RPS6KC1: variants seen among roughly 807,000 people sequenced by gnomAD.
RPS6KC1 encodes the protein ribosomal protein S6 kinase C1, also known as inactive ribosomal protein S6 kinase delta-1.
In RPS6KC1, 54 loss-of-function variants were observed where a neutral mutation model predicts 103.8. The observed-to-expected ratio is 0.52, with a 90% CI of 0.42 to 0.65. RPS6KC1 has a LOEUF of 0.65. RPS6KC1 is among the 30% of genes least tolerant of loss of function. The pLI, the probability that RPS6KC1 is intolerant of heterozygous loss-of-function variation, is 0.00. For missense variants in RPS6KC1, 1,151 were observed against 1,253.8 expected, an observed-to-expected ratio of 0.92 and a Z score of 1.24; for synonymous variants, 439 against 438.7, an observed-to-expected ratio of 1.00 and a Z score of -0.01.
the RPS6KC1 span, among the ~76,000 whole-genome samples, chr1:213,796,799 C>A: frequency 1.8e-4 from 27 of 152,078 alleles, no homozygotes; most frequent in Non-Finnish European, 2.1e-4. Context: ...AAAGTTTAAC[C>A]CGATTTCTTT....
the RPS6KC1 span, among the ~76,000 whole-genome samples, chr1:213,339,356 G>T: frequency 6.6e-6 from 1 of 152,334 alleles, no homozygotes; most frequent in South Asian, 2.1e-4. Flanking sequence ...CACAGCTGTG[G>T]CCCCAGACAT....
At chr1:213,439,336 T>G in the RPS6KC1 span, among the ~76,000 whole-genome samples, 1 of 151,758 alleles carries the variant, frequency 6.6e-6, no homozygotes, top group South Asian at 2.1e-4. Context: ...TTATAATTCT[T>G]CTTGGCAGAC....
intron 4 of RPS6KC1, among the ~76,000 whole-genome samples, chr1:213,104,802 G>A (rs1262095360): frequency 6.7e-6 from 1 of 150,000 alleles, no homozygotes; most frequent in Non-Finnish European, 1.5e-5. Context: ...TTGTTCAGTG[G>A]CCATTGACAG....
chr1:213,274,150 A>C lies in RPS6KC1; in HGVS notation c.*1516A>C, dbSNP rs991504912. The C allele has an allele frequency of 5.9e-5, 9 of 152,156 alleles. No homozygotes were observed. Among genetic ancestry groups the C allele is most frequent in the African/African-American group, 9.7e-5 (4 of 41,426 alleles). The allele number at this position is 152,156 out of a possible 1,614,324, so 9.4% of individuals were successfully genotyped here. On this transcript the variant is annotated 3_prime_UTR_variant, in exon 15 of 15. Coordinates refer to ENST00000366960, the MANE Select transcript of RPS6KC1 (RefSeq NM_012424.6). The stretch of plus-strand genomic sequence containing the variant: ...AAACCCCAGCTGAAAGGCTGCAACA[A>C]CACCAGGTTGGGGAGCAGGTCACCA...
chr1:213,770,581 C>T, the RPS6KC1 span, among the ~76,000 whole-genome samples: 1 of 152,124 alleles, frequency 6.6e-6, no homozygotes, highest in East Asian at 1.9e-4. Flanking sequence ...CATTCATTCT[C>T]GTAACAACCC....
chr1:213,802,255 A>G, the RPS6KC1 span, among the ~76,000 whole-genome samples: 5 of 152,370 alleles, frequency 3.3e-5, no homozygotes, highest in East Asian at 9.6e-4. Flanking sequence ...AACACACTCA[A>G]CTGCATTCAG....
the RPS6KC1 span, among the ~76,000 whole-genome samples, chr1:213,606,366 T>G: frequency 2.0e-5 from 3 of 152,252 alleles, no homozygotes; most frequent in Non-Finnish European, 4.4e-5. Flanking sequence ...CTGCCAACTG[T>G]TCGGTGCCCA....
At chr1:213,759,848 C>A in the RPS6KC1 span, among the ~76,000 whole-genome samples, 1 of 152,338 alleles carries the variant, frequency 6.6e-6, no homozygotes, top group East Asian at 1.9e-4. Flanking sequence ...CTCCCATGTC[C>A]TCTAGCAAGC....
At chr1:213,384,688 C>G in the RPS6KC1 span, among the ~76,000 whole-genome samples, 1 of 152,156 alleles carries the variant, frequency 6.6e-6, no homozygotes, top group South Asian at 2.1e-4. Context: ...AGGAGGCCAC[C>G]CCATCTCCAT....
intron 5 of RPS6KC1, among the ~76,000 whole-genome samples, chr1:213,122,797 T>A (rs2084543216): frequency 6.6e-6 from 1 of 152,148 alleles, no homozygotes; most frequent in South Asian, 2.1e-4. Flanking sequence ...CAACTTATTT[T>A]TATTCCCTGC....
the RPS6KC1 span, among the ~76,000 whole-genome samples, chr1:213,742,004 T>C: frequency 6.6e-6 from 1 of 151,924 alleles, no homozygotes; most frequent in Admixed American, 6.6e-5. Flanking sequence ...GCTATCAAAA[T>C]CCCTAGAGGA....
the RPS6KC1 span, among the ~76,000 whole-genome samples, chr1:213,750,925 CA>C: frequency 2.6e-5 from 4 of 152,138 alleles, no homozygotes; most frequent in East Asian, 7.7e-4. Flanking sequence ...ACTGATAAGT[CA>C]GAAGAAGAAT....
intron 6 of RPS6KC1, among the ~76,000 whole-genome samples, chr1:213,147,718 C>G (rs1227282656): frequency 2.0e-5 from 3 of 152,146 alleles, no homozygotes; most frequent in Non-Finnish European, 4.4e-5. Flanking sequence ...TGTTGTTTTT[C>G]TATTTCTGTG....
the RPS6KC1 span, among the ~76,000 whole-genome samples, chr1:213,453,724 G>T: frequency 6.6e-6 from 1 of 152,176 alleles, no homozygotes; most frequent in Admixed American, 6.5e-5. Flanking sequence ...AGTGCCTTTG[G>T]TTTTACAGGT....
the RPS6KC1 span, among the ~76,000 whole-genome samples, chr1:213,460,301 T>C: frequency 2.0e-5 from 3 of 152,214 alleles, no homozygotes; most frequent in Admixed American, 2.0e-4. Flanking sequence ...TTAGCTCTTC[T>C]TGTTGCATTG....
chr1:213,748,166 G>A, the RPS6KC1 span, among the ~76,000 whole-genome samples: 1 of 152,120 alleles, frequency 6.6e-6, no homozygotes, highest in Non-Finnish European at 1.5e-5. Context: ...AACCCAAAAT[G>A]GAAGAAGTCA....
chr1:213,346,164 A>G, the RPS6KC1 span, among the ~76,000 whole-genome samples: 4 of 152,326 alleles, frequency 2.6e-5, no homozygotes, highest in Admixed American at 6.5e-5. Context: ...TGCATTTAAC[A>G]AATGTATTTT....
chr1:213,428,522 TTCTCTC>T, the RPS6KC1 span, among the ~76,000 whole-genome samples: 2 of 45,844 alleles, frequency 4.4e-5, no homozygotes, highest in African/African-American at 1.7e-4. Context: ...TCCTTCCTCT[TTCTCTC>T]TCTCTCTCTC....
At chr1:213,588,898 TC>T in the RPS6KC1 span, among the ~76,000 whole-genome samples, 6 of 152,176 alleles carry the variant, frequency 3.9e-5, no homozygotes, top group Non-Finnish European at 8.8e-5. Context: ...AGGCTGAACA[TC>T]TCAGAGCAGG....
Sources: gnomAD v4.1 joint callset for allele counts (sites outside exome capture counted in the v4.1 genomes callset) on GRCh38, gnomAD v4.1.1 for gene constraint, MANE v1.5 for transcripts, NCBI Gene and HGNC (gene_info 2026-07-23, HGNC 2026-07-21) for gene names.